The following DYRK1A variants were observed in gnomAD, a reference collection of about 807,000 sequenced individuals.
DYRK1A encodes the protein dual specificity tyrosine-phosphorylation-regulated kinase 1A.
Under a neutral mutation model 79.7 loss-of-function variants are expected in DYRK1A, and 9 were observed. That is an observed-to-expected ratio of 0.11 (90% CI 0.07 to 0.20). DYRK1A has a LOEUF of 0.20. Among genes scored for constraint, DYRK1A ranks in the 10% least tolerant of loss-of-function variants. The probability of loss-of-function intolerance (pLI) is 1.00; values close to 1 mark genes in which losing one functional copy is unlikely to be tolerated. For synonymous variants in DYRK1A, 349 were observed against 329.7 expected (o/e 1.06, Z -0.63); for missense variants, 622 against 956.0 (o/e 0.65, Z 4.61).
intron 2 of DYRK1A, among the ~76,000 whole-genome samples, chr21:37,439,110 A>G (rs2051012815): frequency 6.6e-6 from 1 of 152,214 alleles, no homozygotes; most frequent in South Asian, 2.1e-4. Context: ...GTACTAGCAC[A>G]TAGAAATACA....
intron 2 of DYRK1A, among the ~76,000 whole-genome samples, chr21:37,458,307 T>TGTGTGTGTGTGTGTAC (rs1555972243): frequency 1.3e-5 from 2 of 151,410 alleles, no homozygotes; most frequent in Non-Finnish European, 3.0e-5. Context: ...TGTGTGTGTG[T>TGTGTGTGTGTGTGTAC]ACATATACAT....
intron 2 of DYRK1A, among the ~76,000 whole-genome samples, chr21:37,438,812 GC>G (rs1269170939): frequency 6.6e-6 from 1 of 152,088 alleles, no homozygotes; most frequent in East Asian, 1.9e-4. Flanking sequence ...TAGGTCTTTT[GC>G]ATTTTCATAT....
chr21:37,474,375 T>TA (rs1366248270), intron 3 of DYRK1A, among the ~76,000 whole-genome samples: 1 of 152,258 alleles, frequency 6.6e-6, no homozygotes, highest in Non-Finnish European at 1.5e-5. Flanking sequence ...GAAATACTTT[T>TA]AAAGATTTGT....
rs972634123 is a variant in DYRK1A at position 37,521,507 on chromosome 21, A to T, written c.*8976A>T. 5 of 152,250 alleles carry T rather than the reference A, an allele frequency of 3.3e-5. No individual in the cohort carries two copies. Among genetic ancestry groups the T allele is most frequent in the African/African-American group, 1.2e-4 (5 of 41,454 alleles). The allele number at this position is 152,250 out of a possible 1,614,324, so 9.4% of individuals were successfully genotyped here. On this transcript the variant is annotated 3_prime_UTR_variant, in exon 12 of 12. Transcript: ENST00000647188. ...CAAAGCACTTAGCTAGGTCTTAGGGATGAGGACAAAAAGCATGTCACATTT... is the reference window on the plus strand; with the variant it reads ...CAAAGCACTTAGCTAGGTCTTAGGGTTGAGGACAAAAAGCATGTCACATTT...
At chr21:37,383,527 C>A (rs548756511) in intron 1 of DYRK1A, among the ~76,000 whole-genome samples, 7 of 152,222 alleles carry the variant, frequency 4.6e-5, no homozygotes, top group Non-Finnish European at 1.0e-4. Context: ...AAGGAACTCT[C>A]CTGGGTCAGG....
intron 8 of DYRK1A, among the ~76,000 whole-genome samples, chr21:37,495,190 GTGTGTGTGTGT>G (rs2053229135): frequency 8.1e-6 from 1 of 123,482 alleles, no homozygotes; most frequent in African/African-American, 2.9e-5. Flanking sequence ...GTGTGTGTGT[GTGTGTGTGTGT>G]GGTTATTTAA....
Position 37,520,188 on chromosome 21 carries a change from G to C in DYRK1A, c.*7657G>C, listed in dbSNP as rs755403307. Reference sequence around the variant, plus strand: ...TGTTTTTGAACAGGCATGGTCATTAGACCCTTGTGATCACGCATCCAGGGG... The same window carrying C: ...TGTTTTTGAACAGGCATGGTCATTACACCCTTGTGATCACGCATCCAGGGG... On this transcript the variant is annotated 3_prime_UTR_variant, in exon 12 of 12. Transcript: ENST00000647188. The C allele has an allele frequency of 8.5e-5, 13 of 152,196 alleles. No individual in the cohort carries two copies. The highest frequency in any genetic ancestry group is 1.3e-4 in the Non-Finnish European group (9 of 68,036). The allele number at this position is 152,196 out of a possible 1,614,324, so 9.4% of individuals were successfully genotyped here.
At chr21:37,489,924 G>A (rs1274922830) in intron 6 of DYRK1A, among the ~76,000 whole-genome samples, 1 of 152,096 alleles carries the variant, frequency 6.6e-6, no homozygotes, top group East Asian at 1.9e-4. Flanking sequence ...AGAGAAACAA[G>A]GCATTTTGGT....
chr21:37,430,367 C>T (rs17229339), intron 2 of DYRK1A: 1 of 984,224 alleles, frequency 1.0e-6, no homozygotes, highest in Admixed American at 6.1e-5. Flanking sequence ...TGAGGTCGTT[C>T]CAGTCATAGG....
intron 2 of DYRK1A, among the ~76,000 whole-genome samples, chr21:37,425,980 C>T (rs549161438): frequency 5.3e-5 from 8 of 152,266 alleles, no homozygotes; most frequent in African/African-American, 1.7e-4. Flanking sequence ...TTTGAGTTCC[C>T]TGGAGGACAC....
At chr21:37,446,534 C>T (rs2051276558) in intron 2 of DYRK1A, among the ~76,000 whole-genome samples, 1 of 151,658 alleles carries the variant, frequency 6.6e-6, no homozygotes, top group Non-Finnish European at 1.5e-5. Flanking sequence ...TAAAATATTC[C>T]TATCCTGACA....
At chr21:37,379,552 A>G (rs879763329) in intron 1 of DYRK1A, among the ~76,000 whole-genome samples, 2 of 152,210 alleles carry the variant, frequency 1.3e-5, no homozygotes, top group Non-Finnish European at 2.9e-5. Context: ...TAGAATTATT[A>G]TTGTAGTTCA....
intron 1 of DYRK1A, among the ~76,000 whole-genome samples, chr21:37,381,827 C>G (rs1191587593): frequency 3.3e-5 from 5 of 152,118 alleles, no homozygotes; most frequent in South Asian, 2.1e-4. Flanking sequence ...ATCCCTGTAG[C>G]TTTGATTATT....
chr21:37,433,545 C>T (rs555905460), intron 2 of DYRK1A, among the ~76,000 whole-genome samples: 5 of 152,280 alleles, frequency 3.3e-5, no homozygotes, highest in African/African-American at 7.2e-5. Context: ...CTTTATCCTT[C>T]GGAATTAAAG....
chr21:37,489,939 C>T (rs2053020790), intron 6 of DYRK1A, among the ~76,000 whole-genome samples: 1 of 152,134 alleles, frequency 6.6e-6, no homozygotes, highest in Non-Finnish European at 1.5e-5. Context: ...TTTGGTAGCA[C>T]TGCTTACCTT....
intron 8 of DYRK1A, among the ~76,000 whole-genome samples, chr21:37,495,676 C>G (rs143017456): frequency 6.6e-6 from 1 of 152,116 alleles, no homozygotes; most frequent in East Asian, 1.9e-4. Flanking sequence ...GTAGTCCCAG[C>G]TACTCAGGAA....
At chr21:37,402,932 T>C (rs1602412601) in intron 1 of DYRK1A, among the ~76,000 whole-genome samples, 1 of 152,032 alleles carries the variant, frequency 6.6e-6, no homozygotes, top group African/African-American at 2.4e-5. Flanking sequence ...CCTGCCTAAT[T>C]TTTGTATTTT....
chr21:37,394,831 C>G (rs1309914558), intron 1 of DYRK1A, among the ~76,000 whole-genome samples: 1 of 152,176 alleles, frequency 6.6e-6, no homozygotes, highest in Non-Finnish European at 1.5e-5. Context: ...CCTAAAGTAG[C>G]AAAAGACTAG....
chr21:37,493,150 G>C lies in DYRK1A; in HGVS notation c.1058G>C (p.Ser353Thr). ...VEMHTGEPLF[S>T]GANEVDQMNK... is the part of the protein sequence containing the mutation. ...ATGCACACTGGAGAACCTCTGTTCAGTGGTGCCAATGAGGTAAATGATGTA... is the reference window on the plus strand; with the variant it reads ...ATGCACACTGGAGAACCTCTGTTCACTGGTGCCAATGAGGTAAATGATGTA... The change falls in exon 8 of 12, where the codon AGT becomes ACT. Residue 353 changes from serine to threonine, a missense_variant. Coordinates refer to ENST00000647188, the MANE Select transcript of DYRK1A (RefSeq NM_001347721.2). 1 of 1,610,640 alleles carries C rather than the reference G, an allele frequency of 6.2e-7. No homozygotes were observed. Among genetic ancestry groups the C allele is most frequent in the Non-Finnish European group, 8.5e-7 (1 of 1,177,376 alleles).
Sources: gnomAD v4.1 joint callset for allele counts (sites outside exome capture counted in the v4.1 genomes callset) on GRCh38, gnomAD v4.1.1 for gene constraint, MANE v1.5 for transcripts, NCBI Gene and HGNC (gene_info 2026-07-23, HGNC 2026-07-21) for gene names.